ULK2: variants seen among roughly 807,000 people sequenced by gnomAD.
The protein encoded by ULK2 is unc-51 like autophagy activating kinase 2, also known as serine/threonine-protein kinase ULK2.
In ULK2, 76 loss-of-function variants were observed where a neutral mutation model predicts 127.5. The observed-to-expected ratio is 0.60, with a 90% CI of 0.50 to 0.72. The LOEUF is 0.72. Ranked by LOEUF, ULK2 falls within the 30% of genes least tolerant of loss-of-function variation. ULK2 has a pLI of 0.00. For synonymous variants in ULK2, 452 were observed against 461.9 expected (o/e 0.98, Z 0.28); for missense variants, 1,144 against 1,295.9 (o/e 0.88, Z 1.80).
In ULK2 at chr17:19,780,538, CTGTT is replaced by C. The variant is rs748357456; in HGVS notation, c.2846_2849del (p.Lys949ArgfsTer10). On this transcript the variant is annotated frameshift_variant, in exon 25 of 27. Coordinates refer to ENST00000395544, the MANE Select transcript of ULK2 (RefSeq NM_014683.4). LOFTEE classifies it high-confidence loss of function. ...CACTGTTGATTTCATCAATAAACCT[CTGTT>C]TGTCAGAGAAGAATCGATTCAGCTT... 6 of 1,613,778 alleles carry C rather than the reference CTGTT, an allele frequency of 3.7e-6. No homozygotes were observed. The highest frequency in any genetic ancestry group is 4.5e-5 in the East Asian group (2 of 44,836).
intron 4 of ULK2, 94 bp from the exon 5 acceptor site, chr17:19,849,499 T>C (rs2041966273): frequency 8.0e-7 from 1 of 1,257,554 alleles, no homozygotes; most frequent in Non-Finnish European, 1.1e-6. Flanking sequence ...CATTTGTATA[T>C]AATGTCATGT....
At chr17:19,831,544 G>A in intron 10 of ULK2, among the ~76,000 whole-genome samples, 1 of 152,152 alleles carries the variant, frequency 6.6e-6, no homozygotes, top group East Asian at 1.9e-4. Flanking sequence ...AAGAAATAAG[G>A]CCAGGTGCCG....
At chr17:19,781,444 C>T (rs944889446) in intron 23 of ULK2, among the ~76,000 whole-genome samples, 3 of 151,978 alleles carry the variant, frequency 2.0e-5, no homozygotes, top group South Asian at 4.2e-4. Context: ...GACAGGGATT[C>T]ATCATATTGC....
intron 12 of ULK2, among the ~76,000 whole-genome samples, chr17:19,820,189 C>A (rs1292397179): frequency 6.6e-6 from 1 of 152,056 alleles, no homozygotes; most frequent in East Asian, 1.9e-4. Context: ...GCTGGAACTA[C>A]AGGCGCGCCC....
intron 16 of ULK2, among the ~76,000 whole-genome samples, chr17:19,800,622 T>G (rs2087377691): frequency 6.6e-6 from 1 of 152,212 alleles, no homozygotes; most frequent in African/African-American, 2.4e-5. Flanking sequence ...ACTGTCATTG[T>G]GTGTTTTGTC....
intron 10 of ULK2, among the ~76,000 whole-genome samples, 191 bp from the exon 11 acceptor site, chr17:19,826,377 CAT>C (rs1341727687): frequency 6.6e-6 from 1 of 151,908 alleles, no homozygotes; most frequent in Non-Finnish European, 1.5e-5. Flanking sequence ...TTTTTATAAT[CAT>C]ATAAAATAAT....
chr17:19,855,876 A>G (rs1279548990), intron 3 of ULK2: 1 of 152,170 alleles, frequency 6.6e-6, no homozygotes, highest in Non-Finnish European at 1.5e-5. Flanking sequence ...TACACTGAGC[A>G]TGGTGGCACA....
chr17:19,779,446 C>T (rs765140946), intron 25 of ULK2, among the ~76,000 whole-genome samples: 11 of 143,684 alleles, frequency 7.7e-5, no homozygotes, highest in South Asian at 2.2e-4. Context: ...GCAGCAGAAT[C>T]GCTTGAACCT....
chr17:19,794,993 G>GGT (rs1388929637), intron 20 of ULK2, among the ~76,000 whole-genome samples: 1 of 151,960 alleles, frequency 6.6e-6, no homozygotes, highest in Non-Finnish European at 1.5e-5. Flanking sequence ...GCAGGAGAAT[G>GGT]GTGTGAACCC....
intron 1 of ULK2, among the ~76,000 whole-genome samples, chr17:19,866,600 A>C (rs978834994): frequency 6.6e-6 from 1 of 152,212 alleles, no homozygotes; most frequent in African/African-American, 2.4e-5. Context: ...CTTGGGCAAC[A>C]ATCAGAACTG....
At chr17:19,796,316 C>T (rs1438224737) in intron 18 of ULK2, 34 bp from the exon 19 acceptor site, 1 of 1,537,190 alleles carries the variant, frequency 6.5e-7, no homozygotes, top group Non-Finnish European at 8.8e-7. Flanking sequence ...TATATGTAAA[C>T]TAGTTAATAC....
Position 19,780,648 on chromosome 17 carries a change from G to A in ULK2, c.2759-19C>T. 1 of 1,588,512 alleles carries A rather than the reference G, an allele frequency of 6.3e-7. No homozygotes were observed. Among genetic ancestry groups the A allele is most frequent in the Middle Eastern group, 1.7e-4 (1 of 5,866 alleles). ...TTGACAACTGAAAAAAAATTGAGAT[G>A]GGAACTAATTTTAATTTTCCTCCAG... On this transcript the variant is annotated intron_variant, in intron 24 of 26. Coordinates refer to ENST00000395544, the MANE Select transcript of ULK2 (RefSeq NM_014683.4).
At position 19,782,046 on chromosome 17, in the gene ULK2, G is replaced by A. The variant is rs371917220; in HGVS notation, c.2482C>T (p.Arg828Cys). Reference protein sequence around the residue: ...LMEREHTDTLRHLNVMLMFTE... With the variant: ...LMEREHTDTLCHLNVMLMFTE... ...AACATCAGCATCACATTCAGATGGC[G>A]TAAGGTGTCTGTGTGTTCCCGCTGC... is the stretch of plus-strand genomic sequence containing the variant. Residue 828 changes from arginine (R) to cysteine (C), a missense_variant, in exon 23 of 27, where the codon CGC (arginine) becomes TGC (cysteine). By Grantham distance (180) the Arg-to-Cys change is radical. This residue lies in a region of ULK2 where 913 missense variants were observed against 970.5 expected (regional missense o/e 0.94). Coordinates refer to ENST00000395544, the MANE Select transcript of ULK2 (RefSeq NM_014683.4). 119 of 1,613,928 alleles carry A rather than the reference G, an allele frequency of 7.4e-5. No homozygotes were observed. Among genetic ancestry groups the A allele is most frequent in the Middle Eastern group, 3.3e-4 (2 of 6,084 alleles).
chr17:19,864,713 G>A (rs2042316556), intron 3 of ULK2, 90 bp downstream of exon 3: 1 of 459,452 alleles, frequency 2.2e-6, no homozygotes, highest in Admixed American at 4.4e-5. Flanking sequence ...AAGAATTAAG[G>A]TCATTTTTAT....
chr17:19,854,372 T>C (rs1231935116), intron 3 of ULK2, among the ~76,000 whole-genome samples: 1 of 152,060 alleles, frequency 6.6e-6, no homozygotes, highest in Non-Finnish European at 1.5e-5. Flanking sequence ...CTTCAATGTG[T>C]ATCTCATTAA....
rs554643908 is a variant in ULK2, at chr17:19,851,326, C to CAAAAA, written c.226-1557_226-1553dup. Among the ~76,000 whole-genome samples the CAAAAA allele has an allele frequency of 4.7e-3, 192 of 41,052 alleles. 12 individuals carry two copies. Among genetic ancestry groups the CAAAAA allele is most frequent in the African/African-American group, 0.017 (180 of 10,732 alleles). 26.9% of individuals were successfully genotyped at this position (41,052 alleles called of 152,430 possible). Reference sequence around the variant, plus strand: ...TGGGCAACAGAGTGAGACTTCCCCTCAAAAAAAAAAAAAAAAAAAAAAAAA... The same window carrying CAAAAA: ...TGGGCAACAGAGTGAGACTTCCCCTCAAAAAAAAAAAAAAAAAAAAAAAAAAAAAA... On this transcript the variant is annotated intron_variant, in intron 3 of 26. Coordinates refer to ENST00000395544, the MANE Select transcript of ULK2 (RefSeq NM_014683.4).
Position 19,815,471 on chromosome 17 carries a change from C to A in ULK2, c.1096+1278G>T, listed in dbSNP as rs189254213. 1.1e-3 allele frequency among the ~76,000 whole-genome samples: 169 copies of A among 152,138 alleles called. 1 individual carries two copies. The highest frequency in any genetic ancestry group is 2.0e-3 in the Non-Finnish European group (136 of 67,998). The stretch of plus-strand genomic sequence containing the variant: ...CTAATTTTTGTATTTTTAGTAGAGA[C>A]GGGGTTTCACCATGTTGGTCAGGCT... On this transcript the variant is annotated intron_variant, in intron 13 of 26. Coordinates refer to ENST00000395544, the MANE Select transcript of ULK2 (RefSeq NM_014683.4).
rs201761308 is a variant in ULK2, at chr17:19,849,194, AAAC to A, written c.295+172_295+174del. Among the ~76,000 whole-genome samples the A allele has an allele frequency of 7.5e-3, 1,148 of 152,296 alleles. 15 individuals carry two copies. The highest frequency in any genetic ancestry group is 0.026 in the African/African-American group (1,079 of 41,556). ...AAGTAAAGCTTAGAAACAAAACCACAAACAACAACAACAACTGGTCTGCAAAGT... is the reference window on the plus strand; with the variant it reads ...AAGTAAAGCTTAGAAACAAAACCACAAACAACAACAACTGGTCTGCAAAGT... On this transcript the variant is annotated intron_variant, in intron 5 of 26. Coordinates refer to ENST00000395544, the MANE Select transcript of ULK2 (RefSeq NM_014683.4).
chr17:19,791,229 T>C (rs948129151), intron 20 of ULK2, among the ~76,000 whole-genome samples: 2 of 152,224 alleles, frequency 1.3e-5, no homozygotes, highest in African/African-American at 4.8e-5. Context: ...TCATATGTTA[T>C]GTCACAAAAC....
Sources: allele counts gnomAD v4.1 joint callset (sites outside exome capture counted in the v4.1 genomes callset), GRCh38; gene constraint gnomAD v4.1.1; regional missense constraint gnomAD v4.1.1; transcripts MANE v1.5; gene names NCBI Gene and HGNC (gene_info 2026-07-23, HGNC 2026-07-21).